Variants in AFF1 observed in about 807,000 individuals in gnomAD.
AFF1 encodes AF4/FMR2 family member 1.
In AFF1, 48 loss-of-function variants were observed where a neutral mutation model predicts 121.7. That is an observed-to-expected ratio of 0.39 (90% CI 0.31 to 0.50). The LOEUF is 0.50. Among genes scored for constraint, AFF1 ranks in the 20% least tolerant of loss-of-function variants. The probability of loss-of-function intolerance (pLI) is 0.76; values close to 1 mark genes in which losing one functional copy is unlikely to be tolerated. For missense variants in AFF1, 1,523 were observed against 1,511.7 expected (o/e 1.01, Z -0.12); for synonymous variants, 613 against 563.0 (o/e 1.09, Z -1.26).
intron 6 of AFF1, among the ~76,000 whole-genome samples, chr4:87,091,021 CAA>C (rs72486264): frequency 0.03 from 1,963 of 64,922 alleles, 19 homozygotes; most frequent in Middle Eastern, 0.09. Context: ...TCTCTACCAC[CAA>C]AAAAAAAAAA....
At chr4:87,095,040 C>G in intron 8 of AFF1, 71 bp downstream of exon 8, 1 of 1,420,852 alleles carries the variant, frequency 7.0e-7, no homozygotes. Context: ...CAATGCATTG[C>G]TTAGATTTTT....
intron 4 of AFF1, among the ~76,000 whole-genome samples, chr4:87,067,731 C>A (rs1221882762): frequency 3.3e-5 from 5 of 152,176 alleles, no homozygotes; most frequent in African/African-American, 7.2e-5. Context: ...TGTAGAATTT[C>A]TTTGGAAACA....
intron 2 of AFF1, among the ~76,000 whole-genome samples, chr4:87,010,599 A>G (rs1726637938): frequency 6.6e-6 from 1 of 152,206 alleles, no homozygotes. Flanking sequence ...AGTAAACCTA[A>G]CAGTTTATAG....
chr4:86,948,265 A>G (rs1307163458), intron 1 of AFF1, among the ~76,000 whole-genome samples: 1 of 152,142 alleles, frequency 6.6e-6, no homozygotes. Context: ...AAACTTGTGC[A>G]CATTGTTTTC....
At chr4:87,016,601 A>G (rs2149548558) in intron 2 of AFF1, among the ~76,000 whole-genome samples, 1 of 152,278 alleles carries the variant, frequency 6.6e-6, no homozygotes, top group Non-Finnish European at 1.5e-5. Flanking sequence ...TATATCATAA[A>G]ATTCACTCAT....
rs1396490166 is a variant in AFF1, at chr4:87,138,034, T to C, written c.*2333T>C. 4.3e-6 allele frequency: 1 copy of C among 230,450 alleles called. No homozygotes were observed. The highest frequency in any genetic ancestry group is 8.6e-6 in the Non-Finnish European group (1 of 116,724). 14.3% of individuals were successfully genotyped at this position (230,450 alleles called of 1,614,324 possible). On this transcript the variant is annotated 3_prime_UTR_variant, in exon 21 of 21. Transcript: ENST00000395146. Reference sequence around the variant, plus strand: ...GTGGCCTTACTCTTTGTGGGTTTTTTTTTTTTTCTCTGAACTTGATATAAA... The same window carrying C: ...GTGGCCTTACTCTTTGTGGGTTTTTCTTTTTTTCTCTGAACTTGATATAAA...
intron 2 of AFF1, among the ~76,000 whole-genome samples, chr4:87,014,538 G>A (rs566338689): frequency 8.5e-5 from 13 of 152,338 alleles, no homozygotes; most frequent in Non-Finnish European, 1.6e-4. Flanking sequence ...CAAAATTCAG[G>A]AAACAGTCTT....
rs116837406 is a variant in AFF1 at position 87,134,768 on chromosome 4, A to G, written c.3535+74A>G. The G allele has an allele frequency of 1.4e-3, 1,801 of 1,280,356 alleles. 24 individuals are homozygous for G. In the African/African-American group the frequency reaches 0.024, roughly 17 times the overall value. 79.3% of individuals were successfully genotyped at this position (1,280,356 alleles called of 1,614,324 possible). On this transcript the variant is annotated intron_variant, in intron 20 of 20. Coordinates refer to ENST00000395146, the MANE Select transcript of AFF1 (RefSeq NM_001166693.3). ...AGGAATAAACATTGGTTTATATTTT[A>G]TAAGTTCAGTTTCTTGGAGAAAAGG...
At chr4:87,004,569 G>T (rs1296736011) in intron 2 of AFF1, among the ~76,000 whole-genome samples, 1 of 152,124 alleles carries the variant, frequency 6.6e-6, no homozygotes, top group Admixed American at 6.5e-5. Flanking sequence ...TATCCAAAAT[G>T]CTTGGGACCA....
chr4:86,952,787 T>G (rs2149456782), intron 2 of AFF1, among the ~76,000 whole-genome samples: 1 of 151,678 alleles, frequency 6.6e-6, no homozygotes, highest in African/African-American at 2.4e-5. Context: ...TTCAAGCGTT[T>G]CTCCTGCCTC....
intron 4 of AFF1, among the ~76,000 whole-genome samples, chr4:87,069,061 T>A (rs1721682199): frequency 6.6e-6 from 1 of 152,086 alleles, no homozygotes; most frequent in African/African-American, 2.4e-5. Flanking sequence ...GTCTTGTTTC[T>A]CTTCCCCCTT....
chr4:87,011,641 T>C (rs1338160866), intron 2 of AFF1, among the ~76,000 whole-genome samples: 1 of 152,236 alleles, frequency 6.6e-6, no homozygotes, highest in Non-Finnish European at 1.5e-5. Context: ...AAATAATTTA[T>C]GTAGTATTTT....
At chr4:87,062,562 G>A (rs924768353) in intron 4 of AFF1, among the ~76,000 whole-genome samples, 1 of 152,020 alleles carries the variant, frequency 6.6e-6, no homozygotes, top group Non-Finnish European at 1.5e-5. Flanking sequence ...TTGAATTATA[G>A]CACTTAAATG....
chr4:87,117,261 G>C (rs1004335285), intron 12 of AFF1, among the ~76,000 whole-genome samples: 4 of 152,312 alleles, frequency 2.6e-5, no homozygotes, highest in Non-Finnish European at 5.9e-5. Context: ...CACCTCTTGG[G>C]CAGCTTATTT....
Position 87,115,206 on chromosome 4 carries a change from G to T in AFF1, c.2373G>T (p.Arg791Ser), listed in dbSNP as rs137893463. 784 of 1,614,220 alleles carry T rather than the reference G, an allele frequency of 4.9e-4. 6 individuals are homozygous for T. The highest frequency in any genetic ancestry group is 4.2e-3 in the South Asian group (380 of 91,082). The change falls in exon 12 of 21, where the codon AGG (arginine) becomes AGT (serine). Residue 791 changes from arginine (R) to serine (S), a missense_variant. This residue lies in a region of AFF1 where 905 missense variants were observed against 842.5 expected (regional missense o/e 1.07). Coordinates refer to ENST00000395146, the MANE Select transcript of AFF1 (RefSeq NM_001166693.3). ...CTCCCGGGAAGGGGAGCCGCCAGAGGAAAGCAGAAGATAAACAGCCGCCCG... is the reference window on the plus strand; with the variant it reads ...CTCCCGGGAAGGGGAGCCGCCAGAGTAAAGCAGAAGATAAACAGCCGCCCG... Reference protein sequence around the residue: ...PQPPGKGSRQRKAEDKQPPAG... With the variant: ...PQPPGKGSRQSKAEDKQPPAG...
At chr4:87,112,161 C>CTT (rs1560636660) in intron 11 of AFF1, among the ~76,000 whole-genome samples, 2 of 152,194 alleles carry the variant, frequency 1.3e-5, no homozygotes, top group African/African-American at 4.8e-5. Context: ...CAGTTAACCA[C>CTT]TTATGTAACC....
At chr4:87,019,095 T>G (rs1054653662) in intron 2 of AFF1, among the ~76,000 whole-genome samples, 4 of 152,194 alleles carry the variant, frequency 2.6e-5, no homozygotes, top group African/African-American at 9.6e-5. Context: ...AAATAGATCT[T>G]GAAGAGATAA....
chr4:86,957,141 G>A (rs1008536411), intron 2 of AFF1, among the ~76,000 whole-genome samples: 1 of 152,136 alleles, frequency 6.6e-6, no homozygotes. Context: ...ATCATTTTAG[G>A]TGCTAAACTT....
At chr4:87,117,915 C>T (rs1406792504) in intron 12 of AFF1, among the ~76,000 whole-genome samples, 1 of 152,202 alleles carries the variant, frequency 6.6e-6, no homozygotes, top group Non-Finnish European at 1.5e-5. Flanking sequence ...GTGACCAGCA[C>T]GGTTGCTCCA....
Sources: allele counts gnomAD v4.1 joint callset (sites outside exome capture counted in the v4.1 genomes callset), GRCh38; gene constraint gnomAD v4.1.1; regional missense constraint gnomAD v4.1.1; transcripts MANE v1.5; gene names NCBI Gene and HGNC (gene_info 2026-07-23, HGNC 2026-07-21).